Variants in PCDHA1 observed in about 807,000 individuals in gnomAD.
The protein encoded by PCDHA1 is protocadherin alpha 1.
Under a neutral mutation model 61.3 loss-of-function variants are expected in PCDHA1, and 42 were observed. The observed-to-expected ratio is 0.69, with a 90% confidence interval of 0.54 to 0.89. PCDHA1 has a LOEUF of 0.89. Among genes scored for constraint, PCDHA1 ranks in the 40% least tolerant of loss-of-function variants. PCDHA1 has a pLI of 0.00. For missense variants in PCDHA1, 1,256 were observed against 1,235.3 expected (o/e 1.02, Z -0.25); for synonymous variants, 610 against 553.8 (o/e 1.10, Z -1.43).
intron 3 of PCDHA1, among the ~76,000 whole-genome samples, chr5:140,993,154 A>T (rs2097543247): frequency 6.6e-6 from 1 of 152,220 alleles, no homozygotes; most frequent in Admixed American, 6.5e-5. Flanking sequence ...AATGGATTCT[A>T]AATATTTGCC....
At chr5:140,908,422 C>T (rs1403455941) in intron 1 of PCDHA1, among the ~76,000 whole-genome samples, 1 of 152,176 alleles carries the variant, frequency 6.6e-6, no homozygotes, top group Non-Finnish European at 1.5e-5. Context: ...TGATGGAATG[C>T]TGCTGTGCGC....
rs1351145867 is a variant in PCDHA1, at chr5:141,012,314, G to T, written c.*2377G>T. On this transcript the variant is annotated 3_prime_UTR_variant, in exon 4 of 4. Coordinates refer to ENST00000504120, the MANE Select transcript of PCDHA1 (RefSeq NM_018900.4). ...AATTGGTGCTATTGGTATTTCCTCTGTTATTGCTAATAAATGAAAATGGTG... is the reference window on the plus strand; with the variant it reads ...AATTGGTGCTATTGGTATTTCCTCTTTTATTGCTAATAAATGAAAATGGTG... The T allele has an allele frequency of 6.5e-6, 1 of 153,728 alleles. No individual in the cohort carries two copies. The highest frequency in any genetic ancestry group is 2.4e-5 in the African/African-American group (1 of 41,440). 9.5% of individuals were successfully genotyped at this position (153,728 alleles called of 1,614,324 possible). A position where few individuals can be genotyped will look rare whatever the true frequency, so the allele number is the denominator to read the frequency against.
chr5:140,814,985 G>C (rs1388432067), intron 1 of PCDHA1: 1 of 151,982 alleles, frequency 6.6e-6, no homozygotes, highest in Admixed American at 6.5e-5. Context: ...AGACTATTTT[G>C]TGTGATGTAG....
intron 1 of PCDHA1, chr5:140,843,278 G>A (rs147078401): frequency 6.3e-7 from 1 of 1,595,978 alleles, no homozygotes; most frequent in Non-Finnish European, 8.6e-7. Flanking sequence ...CCTGGTGAAG[G>A]ATCATGGTGA....
rs1554119587 is a variant in PCDHA1, at chr5:140,795,844, A to G, written c.2394+7160A>G. The G allele has an allele frequency of 1.9e-6, 3 of 1,613,858 alleles. No homozygotes were observed. In the Admixed American group the frequency reaches 5.0e-5, roughly 27 times the overall value. ...GTCCTCCACTATACAGACTAAGTTT[A>G]CCATAGATCCCATCTCAGGGGAAAT... is the stretch of plus-strand genomic sequence containing the variant. On this transcript the variant is annotated intron_variant, in intron 1 of 3. Coordinates refer to ENST00000504120, the MANE Select transcript of PCDHA1 (RefSeq NM_018900.4).
intron 1 of PCDHA1, chr5:140,829,536 C>G: frequency 6.2e-7 from 1 of 1,613,152 alleles, no homozygotes; most frequent in Non-Finnish European, 8.5e-7. Context: ...GCGCGAGACG[C>G]GGACGCGCAG....
chr5:140,841,632 T>G lies in PCDHA1; in HGVS notation c.2394+52948T>G, dbSNP rs2150319799. On this transcript the variant is annotated intron_variant, in intron 1 of 3. Transcript: ENST00000504120. ...TGCGGGCGGAGCGCGGAGTGCAGCA[T>G]CCACCTGGAGGTGATCGTGGACAGG... is the stretch of plus-strand genomic sequence containing the variant. The G allele has an allele frequency of 8.1e-6, 13 of 1,614,152 alleles. No homozygotes were observed. In the Admixed American group the frequency reaches 1.8e-4, roughly 23 times the overall value.
chr5:140,800,854 G>A (rs979749308), intron 1 of PCDHA1: 6 of 228,396 alleles, frequency 2.6e-5, no homozygotes, highest in African/African-American at 1.4e-4. Context: ...TAGTATAAAA[G>A]TTCTAAGGAA....
At chr5:140,868,461 GC>G (rs1399202356) in intron 1 of PCDHA1, 1 of 152,356 alleles carries the variant, frequency 6.6e-6, no homozygotes, top group African/African-American at 2.4e-5. Flanking sequence ...CTAAAGAGCT[GC>G]TTTTATAAAA....
chr5:140,804,903 T>C, intron 1 of PCDHA1: 1 of 817,306 alleles, frequency 1.2e-6, no homozygotes, highest in Non-Finnish European at 1.8e-6. Flanking sequence ...CTCACTTCCA[T>C]TTTCTTTATT....
At chr5:140,836,565 T>G (rs2150264210) in intron 1 of PCDHA1, 7 of 1,613,616 alleles carry the variant, frequency 4.3e-6, no homozygotes, top group African/African-American at 1.3e-5. Flanking sequence ...AGCGCCGTCC[T>G]CTGAGGGCGC....
At chr5:140,792,074 G>A (rs1562143972) in intron 1 of PCDHA1, among the ~76,000 whole-genome samples, 2 of 152,000 alleles carry the variant, frequency 1.3e-5, no homozygotes, top group African/African-American at 2.4e-5. Context: ...CTCTCTTATG[G>A]AGGCCAGAAG....
chr5:140,865,511 T>C (rs868994454), intron 1 of PCDHA1: 1 of 152,226 alleles, frequency 6.6e-6, no homozygotes, highest in African/African-American at 2.4e-5. Flanking sequence ...TCCTACTTTA[T>C]GGTGCTGGAA....
intron 1 of PCDHA1, chr5:140,843,092 G>A (rs1778555450): frequency 6.3e-7 from 1 of 1,595,654 alleles, no homozygotes. Flanking sequence ...GGGCCACGTG[G>A]TAGCGAAGGT....
intron 1 of PCDHA1, chr5:140,862,985 G>A: frequency 1.8e-6 from 1 of 547,112 alleles, no homozygotes; most frequent in Non-Finnish European, 3.6e-6. Flanking sequence ...GGTGGCGAAG[G>A]TGCGCACGGT....
At chr5:140,797,370 T>C in intron 1 of PCDHA1, 1 of 1,605,856 alleles carries the variant, frequency 6.2e-7, no homozygotes, top group Non-Finnish European at 8.5e-7. Flanking sequence ...TTTTACTTTT[T>C]CTTGCCAATT....
chr5:140,853,173 C>T, intron 1 of PCDHA1: 1 of 969,590 alleles, frequency 1.0e-6, no homozygotes, highest in South Asian at 4.8e-5. Context: ...GCCACCGCGC[C>T]TGGCCTAAAA....
chr5:140,797,492 G>C (rs2149928688), intron 1 of PCDHA1: 1 of 990,348 alleles, frequency 1.0e-6, no homozygotes, highest in East Asian at 2.6e-5. Flanking sequence ...ATGAATTAGA[G>C]ATCAATTTAT....
intron 1 of PCDHA1, chr5:140,869,124 G>C: frequency 6.2e-7 from 1 of 1,608,632 alleles, no homozygotes; most frequent in East Asian, 2.2e-5. Flanking sequence ...TTCAGAGAAG[G>C]GGATTGGGCA....
Sources: gnomAD v4.1 joint callset for allele counts (sites outside exome capture counted in the v4.1 genomes callset) on GRCh38, gnomAD v4.1.1 for gene constraint, MANE v1.5 for transcripts, NCBI Gene and HGNC (gene_info 2026-07-23, HGNC 2026-07-21) for gene names.